The following C1orf94 variants were observed in gnomAD, a reference collection of about 807,000 sequenced individuals.
C1orf94 encodes chromosome 1 open reading frame 94.
C1orf94 carries 45 observed loss-of-function variants against 53.6 expected under a neutral mutation model. That is an observed-to-expected ratio of 0.84 (90% confidence interval 0.66 to 1.08). The LOEUF is 1.08. Ranked by LOEUF, C1orf94 falls within the 50% of genes least tolerant of loss-of-function variation. C1orf94 has a pLI of 0.00. For synonymous variants in C1orf94, 304 were observed against 296.1 expected, an observed-to-expected ratio of 1.03 and a Z score of -0.27; for missense variants, 762 against 738.9, an observed-to-expected ratio of 1.03 and a Z score of -0.36.
intron 1 of C1orf94, among the ~76,000 whole-genome samples, chr1:34,193,403 C>T (rs951823025): frequency 2.0e-5 from 3 of 152,156 alleles, no homozygotes; most frequent in East Asian, 1.9e-4. Flanking sequence ...GCTAATGCCA[C>T]GGATGACAGG....
chr1:34,213,469 G>A (rs143773294), intron 6 of C1orf94, among the ~76,000 whole-genome samples: 99 of 152,226 alleles, frequency 6.5e-4, no homozygotes, highest in African/African-American at 2.0e-3. Flanking sequence ...TAGGGTGCAC[G>A]GAGAATGTTC....
At chr1:34,210,421 G>C (rs12760136) in intron 5 of C1orf94, among the ~76,000 whole-genome samples, 1 of 152,212 alleles carries the variant, frequency 6.6e-6, no homozygotes, top group South Asian at 2.1e-4. Context: ...ACAGCATAGA[G>C]AGGCTAGTGA....
At chr1:34,182,254 A>G (rs1000088026) in intron 1 of C1orf94, among the ~76,000 whole-genome samples, 12 of 152,136 alleles carry the variant, frequency 7.9e-5, no homozygotes, top group African/African-American at 2.9e-4. Flanking sequence ...GAGCTTTGAG[A>G]GGGACAGCGA....
chr1:34,184,606 A>C (rs1034552194), intron 1 of C1orf94, among the ~76,000 whole-genome samples: 1 of 152,226 alleles, frequency 6.6e-6, no homozygotes, highest in Non-Finnish European at 1.5e-5. Flanking sequence ...TTGTTGCAAG[A>C]AGGAAGAAGG....
intron 5 of C1orf94, among the ~76,000 whole-genome samples, chr1:34,210,286 A>G (rs1642868116): frequency 6.6e-6 from 1 of 152,206 alleles, no homozygotes; most frequent in Admixed American, 6.5e-5. Flanking sequence ...TGCTCTTGGC[A>G]TGTTCTGACC....
chr1:34,194,100 T>A (rs1460646243), intron 1 of C1orf94, among the ~76,000 whole-genome samples: 1 of 152,224 alleles, frequency 6.6e-6, no homozygotes, highest in Non-Finnish European at 1.5e-5. Flanking sequence ...ATGGGGAAGA[T>A]GCTTTCTTCA....
In C1orf94 at chr1:34,197,437, T is replaced by A; in HGVS notation, c.533T>A (p.Ile178Asn). ...AGTAATGAGCGCCCCAGAGCCTCCATCATTGTCGGAGACAAGCTTCTGAAG... is the reference window on the plus strand; with the variant it reads ...AGTAATGAGCGCCCCAGAGCCTCCAACATTGTCGGAGACAAGCTTCTGAAG... ...AGSNERPRASIIVGDKLLKQK... is the reference protein window; with the variant it reads ...AGSNERPRASNIVGDKLLKQK... Residue 178 changes from isoleucine to asparagine, a missense_variant, in exon 2 of 7, where the codon ATC (isoleucine) becomes AAC (asparagine). Ile to Asn is a moderately radical substitution (Grantham distance 149). Transcript: ENST00000488417. This position sits in a 1 kb window ranked among gnomAD's most constrained non-coding sequence, Gnocchi z 4.1. 2 of 1,613,982 alleles carry A rather than the reference T, an allele frequency of 1.2e-6. No individual in the cohort carries two copies. Among genetic ancestry groups the A allele is most frequent in the Non-Finnish European group, 1.7e-6 (2 of 1,179,916 alleles).
chr1:34,183,289 AT>A (rs1173641924), intron 1 of C1orf94, among the ~76,000 whole-genome samples: 1 of 152,234 alleles, frequency 6.6e-6, no homozygotes, highest in Non-Finnish European at 1.5e-5. Context: ...TTATTCAAGG[AT>A]TACTTATTCA....
rs1212687545 is a variant in C1orf94, at chr1:34,212,286, C to T, written c.1601C>T (p.Pro534Leu). The stretch of plus-strand genomic sequence containing the variant: ...TACACCCCTCTGCTGAGCTACATCC[C>T]TTTTGTCCAGCCCAATTATCCCTAC... Reference protein sequence around the residue: ...SSYTPLLSYIPFVQPNYPYPQ... With the variant: ...SSYTPLLSYILFVQPNYPYPQ... Residue 534 changes from proline to leucine, a missense_variant, in exon 6 of 7, where the codon CCT becomes CTT. Pro to Leu is a moderately conservative substitution (Grantham distance 98). Coordinates refer to ENST00000488417, the MANE Select transcript of C1orf94 (RefSeq NM_001134734.2). 2 of 1,613,886 alleles carry T rather than the reference C, an allele frequency of 1.2e-6. No homozygotes were observed. Among genetic ancestry groups the T allele is most frequent in the East Asian group, 2.2e-5 (1 of 44,842 alleles).
chr1:34,169,084 A>G (rs1022770705), intron 1 of C1orf94, among the ~76,000 whole-genome samples: 1 of 152,054 alleles, frequency 6.6e-6, no homozygotes, highest in Non-Finnish European at 1.5e-5. Flanking sequence ...TTTCTGGGAA[A>G]GAGACGCCAA....
At chr1:34,169,639 G>GAGAGAGAGAGAGA (rs1333033191) in intron 1 of C1orf94, among the ~76,000 whole-genome samples, 5 of 142,974 alleles carry the variant, frequency 3.5e-5, no homozygotes, top group Non-Finnish European at 7.7e-5. Flanking sequence ...GAGAGAGTGA[G>GAGAGAGAGAGAGA]CAAATGGGAG....
At chr1:34,187,781 CCG>C (rs1259141162) in intron 1 of C1orf94, among the ~76,000 whole-genome samples, 62 of 36,382 alleles carry the variant, frequency 1.7e-3, no homozygotes, top group African/African-American at 6.4e-3. Flanking sequence ...CCCCCCCCCC[CCG>C]CCGCCCCCCA....
intron 6 of C1orf94, 117 bp downstream of exon 6, chr1:34,212,523 G>T (rs1337613147): frequency 4.1e-5 from 43 of 1,055,292 alleles, no homozygotes; most frequent in South Asian, 6.6e-5. Context: ...TGTGGGGTGG[G>T]ATGGGCCCTG....
intron 1 of C1orf94, among the ~76,000 whole-genome samples, chr1:34,183,975 C>T (rs1020686287): frequency 6.6e-6 from 1 of 152,076 alleles, no homozygotes; most frequent in African/African-American, 2.4e-5. Context: ...TTGCAAAAGG[C>T]AGATCACAAC....
At chr1:34,185,693 T>A (rs140712796) in intron 1 of C1orf94, among the ~76,000 whole-genome samples, 11 of 152,232 alleles carry the variant, frequency 7.2e-5, no homozygotes, top group Admixed American at 1.3e-4. Flanking sequence ...TCACCACATC[T>A]CTTCTCACTG....
chr1:34,212,224 C>T lies in C1orf94; in HGVS notation c.1539C>T (p.Asn513=). 1 of 1,611,788 alleles carries T rather than the reference C, an allele frequency of 6.2e-7. No individual in the cohort carries two copies. Among genetic ancestry groups the T allele is most frequent in the South Asian group, 1.1e-5 (1 of 90,702 alleles). ...GTGATGTGCAGGTGATGCCATACAA[C>T]CCACAGCAGATGGGACAGCAGATCT... ...GCYSQQVMPY[N]PQQMGQQIFR... Residue 513 remains asparagine (N), a synonymous_variant, in exon 6 of 7, where the codon AAC becomes AAT. Transcript: ENST00000488417.
At position 34,200,773 on chromosome 1, in the gene C1orf94, A is replaced by G. The variant is rs112630399; in HGVS notation, c.1011A>G (p.Glu337=). ...GACTCAGTTTCTTTCCTGCTACAGA[A>G]TGGAGCCCTGGCACCAAGGAGCCAA... ...DPAVERHHLM[E]WSPGTKEPKK... is the part of the protein sequence containing the mutation. The change falls in exon 3 of 7, where the codon GAA becomes GAG. Residue 337 remains glutamate, a splice_region_variant and synonymous_variant. Coordinates refer to ENST00000488417, the MANE Select transcript of C1orf94 (RefSeq NM_001134734.2). 7.3e-5 allele frequency: 118 copies of G among 1,614,024 alleles called. No homozygotes were observed. In the African/African-American group the frequency reaches 1.1e-3, roughly 15 times the overall value.
chr1:34,169,587 T>G, intron 1 of C1orf94, among the ~76,000 whole-genome samples: 1 of 111,410 alleles, frequency 9.0e-6, no homozygotes, highest in African/African-American at 3.1e-5. Flanking sequence ...TCAAAAAGCC[T>G]TCTGAAGCTG....
Position 34,201,042 on chromosome 1 carries a change from C to G in C1orf94, c.1270+10C>G, listed in dbSNP as rs1642699003. The G allele has an allele frequency of 6.4e-7, 1 of 1,574,604 alleles. No individual in the cohort carries two copies. Among genetic ancestry groups the G allele is most frequent in the East Asian group, 2.3e-5 (1 of 42,594 alleles). The stretch of plus-strand genomic sequence containing the variant: ...GGGCCGGAGCTGAAATGTGAGCTGA[C>G]CTACCCAGGGAGGGATTGGAGGGGA... On this transcript the variant is annotated intron_variant, in intron 3 of 6. Transcript: ENST00000488417.
Sources: allele counts gnomAD v4.1 joint callset (sites outside exome capture counted in the v4.1 genomes callset), GRCh38; gene constraint gnomAD v4.1.1; non-coding constraint Gnocchi (gnomAD v3.1); transcripts MANE v1.5; gene names NCBI Gene and HGNC (gene_info 2026-07-23, HGNC 2026-07-21).